The following NTRK2 variants were observed in gnomAD, a reference collection of about 807,000 sequenced individuals.
The protein encoded by NTRK2 is neurotrophic receptor tyrosine kinase 2.
Under a neutral mutation model 94.5 loss-of-function variants are expected in NTRK2, and 13 were observed. The ratio of observed to expected loss-of-function variants is 0.14; its 90% CI spans 0.09 to 0.22. The LOEUF is 0.22. Among genes scored for constraint, NTRK2 ranks in the 10% least tolerant of loss-of-function variants. The probability of loss-of-function intolerance (pLI) is 1.00; values close to 1 mark genes in which losing one functional copy is unlikely to be tolerated. For synonymous variants in NTRK2, 372 were observed against 407.4 expected (o/e 0.91, Z 1.05); for missense variants, 639 against 1,071.2 (o/e 0.60, Z 5.63).
At chr9:84,884,512 G>A (rs1233033557) in intron 14 of NTRK2, among the ~76,000 whole-genome samples, 2 of 152,094 alleles carry the variant, frequency 1.3e-5, no homozygotes, top group African/African-American at 2.4e-5. Context: ...ATGCAACATC[G>A]ACGATTAGCT....
rs1833029089 is a variant in NTRK2 at position 85,026,214 on chromosome 9, T to A, written c.*4777T>A. ...TTCACAACAACCACCACCAAGCAAC[T>A]ATTTTGCCATCTTAACATACATCTC... On this transcript the variant is annotated 3_prime_UTR_variant, in exon 19 of 19. Coordinates refer to ENST00000277120, the MANE Select transcript of NTRK2 (RefSeq NM_006180.6). 4.4e-6 allele frequency: 1 copy of A among 229,660 alleles called. No homozygotes were observed. Among genetic ancestry groups the A allele is most frequent in the Non-Finnish European group, 8.6e-6 (1 of 115,928 alleles). 14.2% of individuals were successfully genotyped at this position (229,660 alleles called of 1,614,324 possible).
At chr9:84,988,183 T>C (rs1244628536) in intron 17 of NTRK2, among the ~76,000 whole-genome samples, 1 of 152,166 alleles carries the variant, frequency 6.6e-6, no homozygotes, top group Non-Finnish European at 1.5e-5. Context: ...CTAGAAGACA[T>C]GTGAGTACAG....
chr9:85,008,189 A>G (rs1481963608), intron 17 of NTRK2, among the ~76,000 whole-genome samples: 3 of 151,726 alleles, frequency 2.0e-5, no homozygotes, highest in African/African-American at 7.3e-5. Flanking sequence ...ACCAAACTGT[A>G]TTAGTGCTGG....
At chr9:84,893,705 G>T (rs943587467) in intron 14 of NTRK2, among the ~76,000 whole-genome samples, 1 of 152,188 alleles carries the variant, frequency 6.6e-6, no homozygotes, top group Non-Finnish European at 1.5e-5. Context: ...GGAGGAAATA[G>T]TTTGCTTCAA....
intron 17 of NTRK2, among the ~76,000 whole-genome samples, chr9:84,980,619 T>A (rs995025624): frequency 1.3e-5 from 2 of 152,178 alleles, no homozygotes; most frequent in African/African-American, 2.4e-5. Context: ...ATTCCTTTGG[T>A]TATTGGTGCA....
At chr9:84,713,637 G>C (rs898288693) in intron 6 of NTRK2, among the ~76,000 whole-genome samples, 2 of 151,920 alleles carry the variant, frequency 1.3e-5, no homozygotes, top group Non-Finnish European at 2.9e-5. Context: ...TGGGAAATTG[G>C]CCTGTATTTT....
At chr9:84,857,346 T>C (rs948088181) in intron 12 of NTRK2, among the ~76,000 whole-genome samples, 1 of 152,202 alleles carries the variant, frequency 6.6e-6, no homozygotes, top group African/African-American at 2.4e-5. Context: ...GAGCCCTTTA[T>C]TTTGCAGTGA....
chr9:84,770,119 T>G (rs979440338), intron 12 of NTRK2, among the ~76,000 whole-genome samples: 5 of 149,100 alleles, frequency 3.4e-5, no homozygotes, highest in African/African-American at 1.3e-4. Flanking sequence ...CTTGAGCTAG[T>G]GGAGCTCCTC....
rs199741329 is a variant in NTRK2 at position 84,879,539 on chromosome 9, T to TA, written c.1633+12115dup. 4.7e-3 allele frequency among the ~76,000 whole-genome samples: 716 copies of TA among 152,266 alleles called. 13 individuals carry two copies. The highest frequency in any genetic ancestry group is 0.038 in the Admixed American group (578 of 15,296). On this transcript the variant is annotated intron_variant, in intron 14 of 18. Coordinates refer to ENST00000277120, the MANE Select transcript of NTRK2 (RefSeq NM_006180.6). Reference sequence around the variant, plus strand: ...GGCCCCATGGATTGTATTTTCACATTAAAAAAATCTTAATAATTGCTGCAG... The same window carrying TA: ...GGCCCCATGGATTGTATTTTCACATTAAAAAAAATCTTAATAATTGCTGCAG...
chr9:84,831,046 T>A (rs1159962199), intron 12 of NTRK2, among the ~76,000 whole-genome samples: 1 of 152,264 alleles, frequency 6.6e-6, no homozygotes, highest in Admixed American at 6.5e-5. Flanking sequence ...TCCATCGCTC[T>A]GTAATATTCT....
chr9:84,966,219 C>G (rs1261294383), intron 17 of NTRK2, among the ~76,000 whole-genome samples: 2 of 152,140 alleles, frequency 1.3e-5, no homozygotes, highest in South Asian at 4.1e-4. Context: ...ATGATCTTAC[C>G]TAGTACTATA....
intron 12 of NTRK2, among the ~76,000 whole-genome samples, chr9:84,845,471 T>G (rs998404996): frequency 1.3e-5 from 2 of 152,208 alleles, no homozygotes; most frequent in African/African-American, 4.8e-5. Context: ...TTGAAAGACT[T>G]TAATCTTGCT....
At chr9:85,020,127 A>G (rs2117914875) in intron 17 of NTRK2, 79 bp from the exon 18 acceptor site, 1 of 1,488,056 alleles carries the variant, frequency 6.7e-7, no homozygotes, top group South Asian at 1.1e-5. Context: ...AAGGAAAGCA[A>G]ACAGTGTCCC....
chr9:84,670,626 C>A lies in NTRK2; in HGVS notation c.-123C>A. ...CCTCTGATAAGCTGGACTCGGCACGCCCGCAACAAGCACCGAGGAGTTAAG... is the reference window on the plus strand; with the variant it reads ...CCTCTGATAAGCTGGACTCGGCACGACCGCAACAAGCACCGAGGAGTTAAG... On this transcript the variant is annotated 5_prime_UTR_variant, in exon 2 of 19. Coordinates refer to ENST00000277120, the MANE Select transcript of NTRK2 (RefSeq NM_006180.6). The A allele has an allele frequency of 1.0e-6, 1 of 958,868 alleles. No individual in the cohort carries two copies. Among genetic ancestry groups the A allele is most frequent in the Non-Finnish European group, 1.6e-6 (1 of 607,214 alleles). The allele number at this position is 958,868 out of a possible 1,614,324, so 59.4% of individuals were successfully genotyped here. A position where few individuals can be genotyped will look rare whatever the true frequency, so the allele number is the denominator to read the frequency against.
chr9:84,975,985 A>G (rs2133183994), intron 17 of NTRK2, among the ~76,000 whole-genome samples: 1 of 152,268 alleles, frequency 6.6e-6, no homozygotes, highest in Non-Finnish European at 1.5e-5. Context: ...TAGATACCTG[A>G]GAGGGCTGCC....
At chr9:85,012,787 C>T (rs950283396) in intron 17 of NTRK2, among the ~76,000 whole-genome samples, 1 of 152,056 alleles carries the variant, frequency 6.6e-6, no homozygotes, top group South Asian at 2.1e-4. Flanking sequence ...ATCCAGGTGT[C>T]AGGAGATAGT....
intron 12 of NTRK2, among the ~76,000 whole-genome samples, chr9:84,777,636 G>A (rs2067177527): frequency 6.6e-6 from 1 of 152,140 alleles, no homozygotes; most frequent in South Asian, 2.1e-4. Flanking sequence ...CAGTGGGGTT[G>A]GGGTCCTAAT....
At chr9:85,002,728 G>C (rs756938037) in intron 17 of NTRK2, among the ~76,000 whole-genome samples, 4 of 152,130 alleles carry the variant, frequency 2.6e-5, no homozygotes, top group Admixed American at 6.5e-5. Context: ...ATTCAAGTTT[G>C]GTTACATGGA....
intron 12 of NTRK2, among the ~76,000 whole-genome samples, chr9:84,799,170 T>G (rs978496640): frequency 2.6e-5 from 4 of 151,986 alleles, no homozygotes; most frequent in African/African-American, 9.7e-5. Flanking sequence ...GTATGAGAGA[T>G]GCAGGTTGGC....
Sources: gnomAD v4.1 joint callset for allele counts (sites outside exome capture counted in the v4.1 genomes callset) on GRCh38, gnomAD v4.1.1 for gene constraint, MANE v1.5 for transcripts, NCBI Gene and HGNC (gene_info 2026-07-23, HGNC 2026-07-21) for gene names.